The following CEACAM21 variants were observed in gnomAD, a reference collection of about 807,000 sequenced individuals.
CEACAM21 encodes the protein cell adhesion molecule CEACAM21.
In CEACAM21, 38 loss-of-function variants were observed where a neutral mutation model predicts 33.2. That is an observed-to-expected ratio of 1.14 (90% CI 0.88 to 1.50). The LOEUF is 1.50. Among genes scored for constraint, CEACAM21 ranks in the 40% most tolerant of loss-of-function variants. The probability of loss-of-function intolerance (pLI) is 0.00; values close to 1 mark genes in which losing one functional copy is unlikely to be tolerated. For missense variants in CEACAM21, 385 were observed against 364.6 expected (o/e 1.06, Z -0.46); for synonymous variants, 156 against 143.0 (o/e 1.09, Z -0.65).
chr19:41,579,296 A>C (rs782769432), intron 2 of CEACAM21, 57 bp from the exon 3 acceptor site: 6 of 1,613,198 alleles, frequency 3.7e-6, no homozygotes, highest in Non-Finnish European at 4.2e-6. Context: ...TGACTCTGAG[A>C]TCTCTGAGGA....
At chr19:41,568,722 A>T (rs139982136) in intron 2 of CEACAM21, among the ~76,000 whole-genome samples, 5 of 152,330 alleles carry the variant, frequency 3.3e-5, no homozygotes, top group African/African-American at 1.2e-4. Context: ...AGGAAGTGTA[A>T]TGCCACTAGC....
At chr19:41,562,262 CAAAG>C (rs1172710618) in intron 1 of CEACAM21, among the ~76,000 whole-genome samples, 20 of 136,534 alleles carry the variant, frequency 1.5e-4, no homozygotes, top group East Asian at 1.5e-3. Context: ...CAAAACAAAA[CAAAG>C]AAAGAAAGAA....
intron 2 of CEACAM21, among the ~76,000 whole-genome samples, chr19:41,578,669 G>GT (rs1241843939): frequency 6.6e-6 from 1 of 152,198 alleles, no homozygotes; most frequent in Non-Finnish European, 1.5e-5. Context: ...GAATTAGTCA[G>GT]TTTTTACTTA....
chr19:41,572,657 C>T (rs1310432719), upstream of CEACAM21, among the ~76,000 whole-genome samples: 1 of 152,162 alleles, frequency 6.6e-6, no homozygotes, highest in Non-Finnish European at 1.5e-5. Context: ...GATACCTGTG[C>T]ACACCCAAAA....
At chr19:41,581,136 G>A (rs145101907) in intron 3 of CEACAM21, among the ~76,000 whole-genome samples, 45 of 152,348 alleles carry the variant, frequency 3.0e-4, no homozygotes, top group South Asian at 4.1e-4. Flanking sequence ...TGGCCCTAAT[G>A]CCCAAGCTGG....
Position 41,585,478 on chromosome 19 carries a change from C to G in CEACAM21, c.833C>G (p.Pro278Arg), listed in dbSNP as rs782297636. 4 of 1,613,830 alleles carry G rather than the reference C, an allele frequency of 2.5e-6. No individual in the cohort carries two copies. Among genetic ancestry groups the G allele is most frequent in the Non-Finnish European group, 3.4e-6 (4 of 1,179,796 alleles). ...CAGAGTGACTTCAGGGAGCAGCAGC[C>G]CCCAGCCTCCACCCCCGGTGAGTGT... ...SDQSDFREQQ[P>R]PASTPGHGPS... Residue 278 changes from proline to arginine, a missense_variant, in exon 5 of 7, where the codon CCC becomes CGC. Coordinates refer to ENST00000401445, the MANE Select transcript of CEACAM21 (RefSeq NM_001098506.4).
At chr19:41,550,325 T>A (rs2041134331) in intron 1 of CEACAM21, 1 of 152,206 alleles carries the variant, frequency 6.6e-6, no homozygotes, top group African/African-American at 2.4e-5. Flanking sequence ...TGTACAAGTA[T>A]CTCTTCTCAA....
At chr19:41,552,171 A>C (rs148529137) in intron 1 of CEACAM21, 2 of 152,284 alleles carry the variant, frequency 1.3e-5, no homozygotes, top group African/African-American at 4.8e-5. Context: ...CTGTAACTCT[A>C]GTCTAAGTCT....
At chr19:41,553,361 C>G (rs949424742) in intron 1 of CEACAM21, among the ~76,000 whole-genome samples, 4 of 152,058 alleles carry the variant, frequency 2.6e-5, no homozygotes, top group African/African-American at 9.7e-5. Context: ...ACCTCAGCCT[C>G]CCAAAGTGCT....
intron 1 of CEACAM21, among the ~76,000 whole-genome samples, chr19:41,553,435 C>T (rs782591498): frequency 6.6e-5 from 10 of 152,030 alleles, no homozygotes; most frequent in South Asian, 4.1e-4. Flanking sequence ...AGACAAATTA[C>T]GACAGGACCA....
At chr19:41,576,707 A>G in intron 1 of CEACAM21, among the ~76,000 whole-genome samples, 1 of 152,232 alleles carries the variant, frequency 6.6e-6, no homozygotes, top group East Asian at 1.9e-4. Context: ...ACGCTCATGA[A>G]CTCATCCACA....
upstream of CEACAM21, among the ~76,000 whole-genome samples, chr19:41,574,038 AC>A (rs1229560575): frequency 1.3e-5 from 2 of 152,194 alleles, no homozygotes; most frequent in African/African-American, 2.4e-5. Flanking sequence ...CCAGAAATAA[AC>A]CCTCACCATT....
At chr19:41,564,611 C>T (rs8108860) in intron 1 of CEACAM21, 1 of 152,264 alleles carries the variant, frequency 6.6e-6, no homozygotes, top group Non-Finnish European at 1.5e-5. Flanking sequence ...GGCGCGGGAC[C>T]AACTACTGAT....
rs1294134073 is a variant in CEACAM21, at chr19:41,562,247, AAAAAC to A, written c.-778-2421_-778-2417del. The stretch of plus-strand genomic sequence containing the variant: ...GTGACAGAGCAAGACTCCATCTCAA[AAAAAC>A]AAAACAAAACAAAGAAAGAAAGAAA... On this transcript the variant is annotated intron_variant, in intron 1 of 7. Transcript: ENST00000407170. Among the ~76,000 whole-genome samples, 5 of 151,976 alleles carry A rather than the reference AAAAAC, an allele frequency of 3.3e-5. No individual in the cohort carries two copies. The South Asian group carries it at 1.0e-3, about 31-fold the overall frequency.
chr19:41,572,015 T>C (rs1440268363), upstream of CEACAM21, among the ~76,000 whole-genome samples: 1 of 152,086 alleles, frequency 6.6e-6, no homozygotes, highest in African/African-American at 2.4e-5. Context: ...CTCTACTCTA[T>C]GTACAGGAAT....
At chr19:41,582,129 G>A (rs782226692) in intron 3 of CEACAM21, among the ~76,000 whole-genome samples, 17 of 152,210 alleles carry the variant, frequency 1.1e-4, no homozygotes, top group Non-Finnish European at 2.2e-4. Flanking sequence ...CCAAAACAAA[G>A]GGGCTACAGG....
At chr19:41,563,044 A>G (rs2041997565) in intron 1 of CEACAM21, among the ~76,000 whole-genome samples, 1 of 152,152 alleles carries the variant, frequency 6.6e-6, no homozygotes, top group South Asian at 2.1e-4. Flanking sequence ...TTTCATTTTC[A>G]AGAAGTTTAA....
chr19:41,567,391 A>G (rs1328293549), intron 2 of CEACAM21, among the ~76,000 whole-genome samples: 2 of 152,256 alleles, frequency 1.3e-5, no homozygotes, highest in Non-Finnish European at 1.5e-5. Context: ...TCTAGATATT[A>G]CTATATAGAA....
chr19:41,556,472 C>T (rs1555785624), intron 1 of CEACAM21, among the ~76,000 whole-genome samples: 1 of 152,150 alleles, frequency 6.6e-6, no homozygotes, highest in Non-Finnish European at 1.5e-5. Context: ...TAAATATTAG[C>T]TTTTCATGAA....
Sources: gnomAD v4.1 joint callset for allele counts (sites outside exome capture counted in the v4.1 genomes callset) on GRCh38, gnomAD v4.1.1 for gene constraint, MANE v1.5 for transcripts, NCBI Gene and HGNC (gene_info 2026-07-23, HGNC 2026-07-21) for gene names.